PPFIA1: variants seen among roughly 807,000 people sequenced by gnomAD.
PPFIA1 encodes PPFI scaffold protein A1, also known as liprin-alpha-1.
PPFIA1 carries 25 observed loss-of-function variants against 149.9 expected under a neutral mutation model. The ratio of observed to expected loss-of-function variants is 0.17; its 90% confidence interval spans 0.12 to 0.23. The LOEUF is 0.23. Among genes scored for constraint, PPFIA1 ranks in the 10% least tolerant of loss-of-function variants. The pLI, the probability that PPFIA1 is intolerant of heterozygous loss-of-function variation, is 1.00. For synonymous variants in PPFIA1, 549 were observed against 552.8 expected (o/e 0.99, Z 0.10); for missense variants, 1,362 against 1,506.5 (o/e 0.90, Z 1.59).
intron 2 of PPFIA1, among the ~76,000 whole-genome samples, chr11:70,300,397 T>C (rs950132700): frequency 7.2e-5 from 11 of 152,070 alleles, no homozygotes; most frequent in African/African-American, 2.7e-4. Context: ...TGAGACGGAG[T>C]CTTTCTCCAT....
At chr11:70,379,621 A>G (rs1188600309) in intron 26 of PPFIA1, among the ~76,000 whole-genome samples, 1 of 152,112 alleles carries the variant, frequency 6.6e-6, no homozygotes, top group Non-Finnish European at 1.5e-5. Flanking sequence ...TAAAAAAAAA[A>G]AAATAATAAT....
chr11:70,304,529 C>G (rs551653722), intron 2 of PPFIA1, among the ~76,000 whole-genome samples: 1 of 152,284 alleles, frequency 6.6e-6, no homozygotes, highest in East Asian at 1.9e-4. Context: ...GTTCTGTGAG[C>G]TGCTGCAGCA....
chr11:70,315,207 G>A (rs2053530950), intron 2 of PPFIA1, among the ~76,000 whole-genome samples: 1 of 152,168 alleles, frequency 6.6e-6, no homozygotes, highest in South Asian at 2.1e-4. Flanking sequence ...CGCAAATATT[G>A]TCCAGTGATT....
chr11:70,331,108 T>C (rs1267214786), intron 8 of PPFIA1, among the ~76,000 whole-genome samples: 1 of 151,718 alleles, frequency 6.6e-6, no homozygotes, highest in African/African-American at 2.4e-5. Context: ...GGCGCGCATC[T>C]GTAATCCCAG....
chr11:70,356,309 C>T, intron 19 of PPFIA1, 55 bp downstream of exon 19: 1 of 1,333,562 alleles, frequency 7.5e-7, no homozygotes, highest in Non-Finnish European at 1.1e-6. Flanking sequence ...TGTGCCTAAG[C>T]TCTAACTAGT....
rs2056008454 is a variant in PPFIA1, at chr11:70,350,772, A to T, written c.2163+2352A>T. 3.9e-5 allele frequency among the ~76,000 whole-genome samples: 6 copies of T among 152,184 alleles called. No individual in the cohort carries two copies. In the South Asian group the frequency reaches 1.2e-3, roughly 31 times the overall value. On this transcript the variant is annotated intron_variant, in intron 16 of 27. Coordinates refer to ENST00000253925, the MANE Select transcript of PPFIA1 (RefSeq NM_003626.5). The stretch of plus-strand genomic sequence containing the variant: ...AATAAAACACATGAAATAGAATTTT[A>T]TCTAAGTAATAATTTATAGTGTTTC...
chr11:70,368,561 T>C (rs990615079), intron 21 of PPFIA1, among the ~76,000 whole-genome samples: 2 of 152,212 alleles, frequency 1.3e-5, no homozygotes, highest in Non-Finnish European at 2.9e-5. Context: ...GTTAGTTCTT[T>C]TTCATTGTAC....
At chr11:70,324,200 A>C (rs2054131238) in intron 2 of PPFIA1, among the ~76,000 whole-genome samples, 1 of 152,198 alleles carries the variant, frequency 6.6e-6, no homozygotes, top group Non-Finnish European at 1.5e-5. Context: ...GGATAGAGGG[A>C]AGTCAGATGG....
At chr11:70,315,908 A>G (rs1026544170) in intron 2 of PPFIA1, among the ~76,000 whole-genome samples, 6 of 151,858 alleles carry the variant, frequency 4.0e-5, no homozygotes, top group Non-Finnish European at 7.4e-5. Flanking sequence ...CCAGACACCT[A>G]CCATTCTATT....
rs1274732948 is a variant in PPFIA1, at chr11:70,270,746, CGCGGGCCGGCCTTAGTGACTGGGGCG to C, written c.-161_-136del. On this transcript the variant is annotated 5_prime_UTR_variant, in exon 1 of 28. Coordinates refer to ENST00000253925, the MANE Select transcript of PPFIA1 (RefSeq NM_003626.5). The stretch of plus-strand genomic sequence containing the variant: ...CTCCTCCGCTCCGCCAGTGTCCGGC[CGCGGGCCGGCCTTAGTGACTGGGGCG>C]GCGGGCCCCGGGGCCGCGGCGTGGG... 6.6e-6 allele frequency: 1 copy of C among 150,408 alleles called. No homozygotes were observed. Among genetic ancestry groups the C allele is most frequent in the African/African-American group, 2.4e-5 (1 of 41,112 alleles). The allele number at this position is 150,408 out of a possible 1,614,324, so 9.3% of individuals were successfully genotyped here. A position where few individuals can be genotyped will look rare whatever the true frequency, so the allele number is the denominator to read the frequency against.
chr11:70,304,808 TCAG>T (rs996608440), intron 2 of PPFIA1, among the ~76,000 whole-genome samples: 2 of 152,170 alleles, frequency 1.3e-5, no homozygotes, highest in African/African-American at 2.4e-5. Context: ...ACATCTGGTG[TCAG>T]CAGTGGTGGT....
chr11:70,378,147 T>A lies in PPFIA1; in HGVS notation c.3502T>A (p.Ser1168Thr). 2 of 1,614,122 alleles carry A rather than the reference T, an allele frequency of 1.2e-6. No homozygotes were observed. The highest frequency in any genetic ancestry group is 1.3e-5 in the African/African-American group (1 of 75,038). Residue 1168 changes from serine (S) to threonine (T), a missense_variant, in exon 26 of 28, where the codon TCT (serine) becomes ACT (threonine). Physicochemically the swap from Ser to Thr is moderately conservative, Grantham distance 58. Around this residue, in one of 7 missense-constraint regions of PPFIA1, gnomAD observed 349 missense variants for 373.3 expected, o/e 0.93. Coordinates refer to ENST00000253925, the MANE Select transcript of PPFIA1 (RefSeq NM_003626.5). ...TCTCCCTGCAAACTTCCGGGTGACT[T>A]CTTCTATGTCTTCCCCCTCTATGCA... ...ETLPANFRVT[S>T]SMSSPSMQPK...
intron 10 of PPFIA1, 59 bp downstream of exon 10, chr11:70,333,612 G>A: frequency 7.4e-7 from 1 of 1,353,372 alleles, no homozygotes; most frequent in Non-Finnish European, 1.0e-6. Flanking sequence ...TCATTGCTCG[G>A]CTGTGGGGAG....
intron 19 of PPFIA1, among the ~76,000 whole-genome samples, chr11:70,360,586 A>G (rs1278661779): frequency 1.3e-5 from 2 of 152,376 alleles, no homozygotes; most frequent in East Asian, 3.9e-4. Context: ...AGGAAGCTCT[A>G]CTGGCTGTCT....
At chr11:70,351,171 C>T (rs527649048) in intron 16 of PPFIA1, 2 of 283,878 alleles carry the variant, frequency 7.0e-6, no homozygotes, top group East Asian at 1.5e-4. Context: ...GACCTAGCAC[C>T]TTACTGACAA....
chr11:70,285,308 G>C (rs746364389), intron 2 of PPFIA1, among the ~76,000 whole-genome samples: 52 of 152,106 alleles, frequency 3.4e-4, no homozygotes, highest in Non-Finnish European at 6.2e-4. Context: ...GGGATGGAGG[G>C]AAGAATGGAC....
intron 15 of PPFIA1, among the ~76,000 whole-genome samples, chr11:70,344,500 C>A (rs1367656561): frequency 6.6e-6 from 1 of 152,178 alleles, no homozygotes; most frequent in Non-Finnish European, 1.5e-5. Flanking sequence ...TCTTAGTGTC[C>A]CTCCTTGACC....
chr11:70,373,906 A>T (rs2057377089), intron 23 of PPFIA1: 1 of 152,214 alleles, frequency 6.6e-6, no homozygotes, highest in African/African-American at 2.4e-5. Flanking sequence ...AGAAAAGGGC[A>T]TTGGCAATGA....
intron 21 of PPFIA1, chr11:70,371,722 G>A (rs1304103684): frequency 1.3e-5 from 2 of 152,202 alleles, no homozygotes; most frequent in East Asian, 3.9e-4. Flanking sequence ...TCCCCATTTA[G>A]TCCTGTTGGT....
Sources: gnomAD v4.1 joint callset for allele counts (sites outside exome capture counted in the v4.1 genomes callset) on GRCh38, gnomAD v4.1.1 for gene constraint, gnomAD v4.1.1 regional missense constraint, MANE v1.5 for transcripts, NCBI Gene and HGNC (gene_info 2026-07-23, HGNC 2026-07-21) for gene names.